Variants in SSUH2 observed in about 807,000 individuals in gnomAD.
SSUH2 encodes protein SSUH2 homolog.
A neutral mutation model predicts 55.3 loss-of-function variants in SSUH2; 47 were observed. The observed-to-expected ratio is 0.85, with a 90% CI of 0.67 to 1.08. SSUH2 has a LOEUF of 1.08. SSUH2 is among the 50% of genes least tolerant of loss of function. The probability of loss-of-function intolerance (pLI) is 0.00; values close to 1 mark genes in which losing one functional copy is unlikely to be tolerated. For missense variants in SSUH2, 535 were observed against 490.7 expected (o/e 1.09, Z -0.85); for synonymous variants, 212 against 191.5 (o/e 1.11, Z -0.89).
At chr3:8,679,181 A>C (rs927882041) in intron 2 of SSUH2, among the ~76,000 whole-genome samples, 133 of 1,430 alleles carry the variant, frequency 0.093, 39 homozygotes, top group Non-Finnish European at 0.036. Flanking sequence ...CTGTTCCCCC[A>C]CACTGGCTCT....
At chr3:8,663,387 G>A (rs1559515019) in intron 6 of SSUH2, among the ~76,000 whole-genome samples, 1 of 152,254 alleles carries the variant, frequency 6.6e-6, no homozygotes, top group Non-Finnish European at 1.5e-5. Context: ...CTGAGCCCAA[G>A]GAAGTGCCTG....
At chr3:8,624,906 C>T (rs902760644) in intron 10 of SSUH2, among the ~76,000 whole-genome samples, 2 of 152,138 alleles carry the variant, frequency 1.3e-5, no homozygotes, top group African/African-American at 4.8e-5. Flanking sequence ...TGTCCCCTCG[C>T]TCCCACGCCA....
chr3:8,658,277 A>G (rs970976457), intron 7 of SSUH2, among the ~76,000 whole-genome samples: 1 of 152,250 alleles, frequency 6.6e-6, no homozygotes. Flanking sequence ...TGTTATTCAT[A>G]TCGAATTAGG....
At chr3:8,674,802 T>C (rs1440612585) in intron 3 of SSUH2, among the ~76,000 whole-genome samples, 1 of 149,182 alleles carries the variant, frequency 6.7e-6, no homozygotes, top group African/African-American at 2.5e-5. Flanking sequence ...AGAGGAGGAA[T>C]GGAGACTTTT....
chr3:8,626,107 G>A, intron 9 of SSUH2, 122 bp downstream of exon 9: 3 of 758,318 alleles, frequency 4.0e-6, no homozygotes, highest in Admixed American at 3.9e-5. Context: ...CCCCTTCTAA[G>A]TCCTGGCAGG....
intron 7 of SSUH2, among the ~76,000 whole-genome samples, chr3:8,653,498 A>G (rs1015476652): frequency 1.3e-5 from 2 of 152,256 alleles, no homozygotes; most frequent in Non-Finnish European, 2.9e-5. Flanking sequence ...AGAAGAAACA[A>G]AAAATACAAT....
chr3:8,627,606 C>T (rs541706925), intron 8 of SSUH2, 92 bp downstream of exon 8: 2 of 1,102,178 alleles, frequency 1.8e-6, no homozygotes, highest in Admixed American at 5.1e-5. Flanking sequence ...AGTGACGAGA[C>T]AGATGGGTTC....
intron 2 of SSUH2, among the ~76,000 whole-genome samples, chr3:8,679,493 T>TC (rs1334140329): frequency 3.8e-5 from 5 of 130,198 alleles, no homozygotes; most frequent in South Asian, 5.0e-4. Flanking sequence ...CAGCCCCTAT[T>TC]CCCCCCCTGG....
chr3:8,625,594 T>C lies in SSUH2; in HGVS notation c.821A>G (p.Glu274Gly), dbSNP rs1326339169. Reference protein sequence around the residue: ...VSEHRLNCPRELLAKAKGENL... With the variant: ...VSEHRLNCPRGLLAKAKGENL... ...TTCTCCTTTGGCTTTAGCAAGGAGCTCCCTGGGGCAGTTGAGCCGGTGCTC... is the reference window on the plus strand; with the variant it reads ...TTCTCCTTTGGCTTTAGCAAGGAGCCCCCTGGGGCAGTTGAGCCGGTGCTC... The change falls in exon 10 of 12, where the codon GAG becomes GGG. Residue 274 changes from glutamate (E) to glycine (G), a missense_variant. Transcript: ENST00000544814. The C allele has an allele frequency of 6.2e-7, 1 of 1,614,006 alleles. No homozygotes were observed. The highest frequency in any genetic ancestry group is 1.3e-5 in the African/African-American group (1 of 75,028).
intron 11 of SSUH2, among the ~76,000 whole-genome samples, chr3:8,621,544 G>T (rs1368116409): frequency 6.6e-6 from 1 of 152,124 alleles, no homozygotes; most frequent in Non-Finnish European, 1.5e-5. Context: ...AAGGAAGAGG[G>T]GAATCAGAGT....
At chr3:8,632,523 T>C (rs1213017789) in intron 4 of SSUH2, among the ~76,000 whole-genome samples, 1 of 152,218 alleles carries the variant, frequency 6.6e-6, no homozygotes, top group Non-Finnish European at 1.5e-5. Context: ...GGTGACAGAA[T>C]GGGAAGAGGT....
chr3:8,622,566 C>T (rs771641306), intron 11 of SSUH2, among the ~76,000 whole-genome samples: 7 of 152,182 alleles, frequency 4.6e-5, no homozygotes, highest in African/African-American at 7.2e-5. Context: ...CTTTGAATGA[C>T]GCTCTGTCAC....
In SSUH2 at chr3:8,636,554, G is replaced by A. The variant is rs188257674; in HGVS notation, c.29-697C>T. On this transcript the variant is annotated intron_variant, in intron 1 of 11. Coordinates refer to ENST00000544814, the MANE Select transcript of SSUH2 (RefSeq NM_001256748.3). ...AAAAACATTGTTGTTTTAAGGCACCGAGATGTGGGGTCATTTGTTATGCAG... is the reference window on the plus strand; with the variant it reads ...AAAAACATTGTTGTTTTAAGGCACCAAGATGTGGGGTCATTTGTTATGCAG... Among the ~76,000 whole-genome samples the A allele has an allele frequency of 2.6e-3, 395 of 152,144 alleles. 1 individual carries two copies. Among genetic ancestry groups the A allele is most frequent in the Non-Finnish European group, 4.5e-3 (307 of 68,010 alleles).
At chr3:8,635,491 C>T (rs568603618) in intron 2 of SSUH2, 110 bp from the exon 3 acceptor site, 34 of 860,984 alleles carry the variant, frequency 3.9e-5, no homozygotes, top group African/African-American at 2.0e-4. Context: ...GATGAAGAAA[C>T]AGTGATGCAT....
chr3:8,619,685 A>C lies in SSUH2; in HGVS notation c.*183T>G, dbSNP rs1696026364. On this transcript the variant is annotated 3_prime_UTR_variant, in exon 12 of 12. Transcript: ENST00000544814. ...TGTAGGTTAAACATATGAGTCATGG[A>C]TTCCACCAGAGGAGCTGTATAAGGG... The C allele has an allele frequency of 1.7e-6, 1 of 578,888 alleles. No homozygotes were observed. Among genetic ancestry groups the C allele is most frequent in the South Asian group, 2.5e-5 (1 of 40,358 alleles). 35.9% of individuals were successfully genotyped at this position (578,888 alleles called of 1,614,324 possible). A position where few individuals can be genotyped will look rare whatever the true frequency, so the allele number is the denominator to read the frequency against.
rs771508531 is a variant in SSUH2, at chr3:8,625,600, G to A, written c.815C>T (p.Pro272Leu). The A allele has an allele frequency of 1.2e-6, 2 of 1,613,960 alleles. No individual in the cohort carries two copies. Among genetic ancestry groups the A allele is most frequent in the Non-Finnish European group, 1.7e-6 (2 of 1,179,932 alleles). The change falls in exon 10 of 12, where the codon CCC (proline) becomes CTC (leucine). Residue 272 changes from proline to leucine, a missense_variant. Pro to Leu is a moderately conservative substitution (Grantham distance 98, BLOSUM62 -3). Coordinates refer to ENST00000544814, the MANE Select transcript of SSUH2 (RefSeq NM_001256748.3). ...TTTGGCTTTAGCAAGGAGCTCCCTGGGGCAGTTGAGCCGGTGCTCAGACAC... is the reference window on the plus strand; with the variant it reads ...TTTGGCTTTAGCAAGGAGCTCCCTGAGGCAGTTGAGCCGGTGCTCAGACAC... ...EFVSEHRLNC[P>L]RELLAKAKGE...
At chr3:8,654,309 G>C (rs971353999) in intron 7 of SSUH2, among the ~76,000 whole-genome samples, 1 of 152,224 alleles carries the variant, frequency 6.6e-6, no homozygotes, top group Non-Finnish European at 1.5e-5. Flanking sequence ...TATCACATTA[G>C]GGGGTAGGGC....
intron 7 of SSUH2, among the ~76,000 whole-genome samples, chr3:8,628,172 T>C (rs756357333): frequency 6.6e-6 from 1 of 152,072 alleles, no homozygotes; most frequent in Non-Finnish European, 1.5e-5. Context: ...GTGCTCCCAG[T>C]TGGGCTCATG....
exon 5 of SSUH2, chr3:8,671,064 C>G: frequency 2.8e-6 from 1 of 351,974 alleles, no homozygotes; most frequent in South Asian, 2.1e-5. Flanking sequence ...GGTGCACACG[C>G]ATTGTGAAAT....
Sources: allele counts gnomAD v4.1 joint callset (sites outside exome capture counted in the v4.1 genomes callset), GRCh38; gene constraint gnomAD v4.1.1; transcripts MANE v1.5; gene names NCBI Gene and HGNC (gene_info 2026-07-23, HGNC 2026-07-21).